TRIM14: variants seen among roughly 807,000 people sequenced by gnomAD.
TRIM14 encodes tripartite motif containing 14, also known as tripartite motif-containing protein 14.
Under a neutral mutation model 44.5 loss-of-function variants are expected in TRIM14, and 28 were observed. The ratio of observed to expected loss-of-function variants is 0.63; its 90% confidence interval spans 0.47 to 0.86. The LOEUF (loss-of-function observed/expected upper bound fraction) is 0.86, where lower values mean the gene tolerates loss of function less well. TRIM14 is among the 40% of genes least tolerant of loss of function. The pLI is 0.00. For synonymous variants in TRIM14, 299 were observed against 269.2 expected, an observed-to-expected ratio of 1.11 and a Z score of -1.08; for missense variants, 607 against 611.1, an observed-to-expected ratio of 0.99 and a Z score of 0.07.
downstream of TRIM14, among the ~76,000 whole-genome samples, chr9:98,079,864 A>T (rs915623563): frequency 6.6e-6 from 1 of 151,966 alleles, no homozygotes; most frequent in African/African-American, 2.4e-5. Flanking sequence ...TCCATCACAC[A>T]CCCTTAAGCC....
At chr9:98,097,457 C>T (rs890846526) in intron 3 of TRIM14, among the ~76,000 whole-genome samples, 6 of 152,190 alleles carry the variant, frequency 3.9e-5, no homozygotes, top group Non-Finnish European at 7.3e-5. Flanking sequence ...ACTCATTGTC[C>T]AGCACCCAAC....
chr9:98,072,902 C>T (rs542367329), intron 6 of TRIM14, among the ~76,000 whole-genome samples: 4 of 152,240 alleles, frequency 2.6e-5, no homozygotes, highest in African/African-American at 7.2e-5. Context: ...TGTTCTAGGG[C>T]GTTCTCTGTG....
downstream of TRIM14, chr9:98,081,097 A>C (rs1829837299): frequency 6.2e-7 from 1 of 1,613,454 alleles, no homozygotes; most frequent in African/African-American, 1.3e-5. Context: ...GTCCTGCCGG[A>C]CTCTACTCGG....
intron 2 of TRIM14, among the ~76,000 whole-genome samples, chr9:98,106,825 C>CTT (rs990996900): frequency 1.7e-4 from 20 of 116,156 alleles, no homozygotes; most frequent in South Asian, 5.8e-4. Context: ...TTTCTTTCTT[C>CTT]TTTTTTTTTT....
chr9:98,047,348 G>T, the TRIM14 span, among the ~76,000 whole-genome samples: 1 of 151,992 alleles, frequency 6.6e-6, no homozygotes, highest in African/African-American at 2.4e-5. Context: ...ACCCAGTCCT[G>T]GGTGTGTCTT....
Position 98,073,271 on chromosome 9 carries a change from C to CTTTTTTTT in TRIM14, c.*29-3592_*29-3585dup, listed in dbSNP as rs10606237. Among the ~76,000 whole-genome samples the CTTTTTTTT allele has an allele frequency of 4.7e-4, 27 of 57,852 alleles. 2 individuals carry two copies. The highest frequency in any genetic ancestry group is 6.8e-4 in the South Asian group (1 of 1,470). 38.0% of individuals were successfully genotyped at this position (57,852 alleles called of 152,430 possible). On this transcript the variant is annotated intron_variant, in intron 6 of 6. Coordinates refer to the TRIM14 transcript ENST00000375098. ...GTTCTCCCCAGCTCATCACCATGGG[C>CTTTTTTTT]TTTTTTTTTTTTTTTTTTTTTTTTT...
At chr9:98,069,448 AT>A (rs1353028210) in exon 7 of TRIM14, 1 of 151,924 alleles carries the variant, frequency 6.6e-6, no homozygotes, top group Admixed American at 6.6e-5. Flanking sequence ...TAATTTTTGT[AT>A]TTTTTGCAGA....
At chr9:98,037,353 G>A in the TRIM14 span, among the ~76,000 whole-genome samples, 658 of 152,278 alleles carry the variant, frequency 4.3e-3, no homozygotes, top group Non-Finnish European at 7.2e-3. Context: ...ACTCCAGTCC[G>A]GGCGACAGAG....
At chr9:98,058,896 T>TG in the TRIM14 span, among the ~76,000 whole-genome samples, 2 of 152,230 alleles carry the variant, frequency 1.3e-5, no homozygotes, top group Non-Finnish European at 2.9e-5. Flanking sequence ...AGAGCTCTGT[T>TG]GCCCAAGGTC....
At chr9:98,079,784 C>A (rs1829770682), downstream of TRIM14, among the ~76,000 whole-genome samples, 1 of 152,216 alleles carries the variant, frequency 6.6e-6, no homozygotes. Flanking sequence ...AGTTATTCTG[C>A]CAGCCTATCC....
the TRIM14 span, among the ~76,000 whole-genome samples, chr9:98,042,627 T>G: frequency 6.6e-6 from 1 of 152,196 alleles, no homozygotes; most frequent in Non-Finnish European, 1.5e-5. Flanking sequence ...ATCCCAGCAC[T>G]TTGGGAGGCC....
chr9:98,035,987 G>A, the TRIM14 span, among the ~76,000 whole-genome samples: 1 of 152,060 alleles, frequency 6.6e-6, no homozygotes, highest in African/African-American at 2.4e-5. Flanking sequence ...GAGGTGGGTG[G>A]ATTACGAGGT....
rs760501961 is a variant in TRIM14 at position 98,095,043 on chromosome 9, C to T, written c.538-14G>A. Reference sequence around the variant, plus strand: ...GGCCGTGTATGCCTGTGTGGGCACACGGGGGTGAGGGTGGCTCTGGGAGAT... The same window carrying T: ...GGCCGTGTATGCCTGTGTGGGCACATGGGGGTGAGGGTGGCTCTGGGAGAT... On this transcript the variant is annotated splice_polypyrimidine_tract_variant and intron_variant, in intron 3 of 5. Coordinates refer to ENST00000341469, the MANE Select transcript of TRIM14 (RefSeq NM_014788.4). This position sits in a 1 kb window ranked among gnomAD's most constrained non-coding sequence, Gnocchi z 4.1. 4.9e-5 allele frequency: 79 copies of T among 1,608,618 alleles called. No individual in the cohort carries two copies. The highest frequency in any genetic ancestry group is 6.7e-5 in the Admixed American group (4 of 59,812).
chr9:98,038,571 G>A, the TRIM14 span, among the ~76,000 whole-genome samples: 45 of 152,216 alleles, frequency 3.0e-4, no homozygotes, highest in African/African-American at 9.9e-4. Context: ...ACTTGCTTTC[G>A]TGAGATGACT....
chr9:98,071,762 G>A (rs539079961), intron 6 of TRIM14, among the ~76,000 whole-genome samples: 5 of 152,192 alleles, frequency 3.3e-5, no homozygotes, highest in African/African-American at 7.2e-5. Context: ...CTGAGTCAGC[G>A]CAGAACCAGG....
rs1825715164 is a variant in TRIM14 at position 98,084,845 on chromosome 9, T to C, written c.*2625A>G. The C allele has an allele frequency of 6.6e-6, 1 of 152,130 alleles. No individual in the cohort carries two copies. The highest frequency in any genetic ancestry group is 1.5e-5 in the Non-Finnish European group (1 of 68,018). The allele number at this position is 152,130 out of a possible 1,614,324, so 9.4% of individuals were successfully genotyped here. A position where few individuals can be genotyped will look rare whatever the true frequency, so the allele number is the denominator to read the frequency against. On this transcript the variant is annotated 3_prime_UTR_variant, in exon 6 of 6. Coordinates refer to ENST00000341469, the MANE Select transcript of TRIM14 (RefSeq NM_014788.4). ...CCACCACGCCCAGCTAATTTTTGTA[T>C]AGGACTATAGTTTTAAGGCAAGTTT... is the stretch of plus-strand genomic sequence containing the variant.
the TRIM14 span, among the ~76,000 whole-genome samples, chr9:98,058,412 A>T: frequency 2.7e-4 from 41 of 152,322 alleles, no homozygotes; most frequent in African/African-American, 8.9e-4. Flanking sequence ...TTTAAAGGCT[A>T]AGAGAAAATA....
chr9:98,112,153 C>T (rs1826877670), intron 1 of TRIM14, among the ~76,000 whole-genome samples: 3 of 152,094 alleles, frequency 2.0e-5, no homozygotes, highest in African/African-American at 7.2e-5. Flanking sequence ...CTAAAAATTA[C>T]TTACTTCCTA....
chr9:98,057,021 C>T, the TRIM14 span: 5 of 1,443,420 alleles, frequency 3.5e-6, no homozygotes, highest in East Asian at 5.2e-5. Context: ...GGCCACACGG[C>T]CTCCGCGGCT....
Sources: allele counts gnomAD v4.1 joint callset (sites outside exome capture counted in the v4.1 genomes callset), GRCh38; gene constraint gnomAD v4.1.1; non-coding constraint Gnocchi (gnomAD v3.1); transcripts MANE v1.5; gene names NCBI Gene and HGNC (gene_info 2026-07-23, HGNC 2026-07-21).